THRB: variants seen among roughly 807,000 people sequenced by gnomAD.
The protein encoded by THRB is thyroid hormone receptor beta, also known as nuclear receptor subfamily 1 group A member 2.
A neutral mutation model predicts 47.8 loss-of-function variants in THRB; 12 were observed. That is an observed-to-expected ratio of 0.25 (90% CI 0.16 to 0.41). The LOEUF (loss-of-function observed/expected upper bound fraction) is 0.41. THRB is among the 10% of genes least tolerant of loss of function. The pLI, the probability that THRB is intolerant of heterozygous loss-of-function variation, is 1.00. For synonymous variants in THRB, 218 were observed against 212.2 expected, an observed-to-expected ratio of 1.03 and a Z score of -0.24; for missense variants, 348 against 589.2, an observed-to-expected ratio of 0.59 and a Z score of 4.24.
At chr3:24,417,182 T>A (rs932922554) in intron 1 of THRB, among the ~76,000 whole-genome samples, 9 of 151,690 alleles carry the variant, frequency 5.9e-5, no homozygotes, top group Non-Finnish European at 1.2e-4. Flanking sequence ...GATGCCCCCC[T>A]ATTAGTAAAG....
chr3:24,424,597 A>T (rs1288880167), intron 1 of THRB, among the ~76,000 whole-genome samples: 1 of 151,966 alleles, frequency 6.6e-6, no homozygotes, highest in Admixed American at 6.6e-5. Context: ...GTGCTACATG[A>T]TAAGAATTAT....
intron 3 of THRB, among the ~76,000 whole-genome samples, chr3:24,289,682 G>T (rs1388708857): frequency 6.6e-6 from 1 of 152,186 alleles, no homozygotes; most frequent in Admixed American, 6.5e-5. Context: ...TCTGTTTCTT[G>T]GTTAGTGGAT....
At chr3:24,195,000 G>C (rs1484879908) in intron 4 of THRB, among the ~76,000 whole-genome samples, 2 of 152,194 alleles carry the variant, frequency 1.3e-5, no homozygotes, top group African/African-American at 4.8e-5. Context: ...TGCATTAGGG[G>C]TGTGTGTATA....
intron 3 of THRB, among the ~76,000 whole-genome samples, chr3:24,245,250 C>T (rs1045430178): frequency 9.8e-6 from 1 of 101,550 alleles, no homozygotes; most frequent in Admixed American, 8.9e-5. Context: ...CCCTTTGTGA[C>T]CCAGCTGGCA....
At chr3:24,421,375 C>T (rs2069245773) in intron 1 of THRB, among the ~76,000 whole-genome samples, 1 of 151,334 alleles carries the variant, frequency 6.6e-6, no homozygotes, top group Non-Finnish European at 1.5e-5. Flanking sequence ...AAAAAAAAAC[C>T]TCTTTAAGGC....
intron 1 of THRB, among the ~76,000 whole-genome samples, chr3:24,379,952 C>G (rs1376429346): frequency 6.6e-6 from 1 of 151,590 alleles, no homozygotes; most frequent in African/African-American, 2.4e-5. Flanking sequence ...CATGTAGTAA[C>G]TTTACACATT....
chr3:24,184,200 T>A (rs79099271), intron 5 of THRB, among the ~76,000 whole-genome samples: 7,190 of 152,336 alleles, frequency 0.047, 281 homozygotes, highest in African/African-American at 0.099. Flanking sequence ...ATGCTTTGGA[T>A]GTACCACAAT....
In THRB at chr3:24,157,713, G is replaced by A. The variant is rs140312813; in HGVS notation, c.284-5223C>T. On this transcript the variant is annotated intron_variant, in intron 5 of 10. Transcript: ENST00000646209. ...ACCTGGCTAATTTTGAAGTTGTTTC[G>A]TAGAGATGGGGTCTTGCTATGTTTC... Among the ~76,000 whole-genome samples the A allele has an allele frequency of 8.5e-5, 13 of 152,056 alleles. No homozygotes were observed. In the East Asian group the frequency reaches 9.7e-4, roughly 11 times the overall value.
chr3:24,337,886 A>C (rs1320091281), intron 1 of THRB, among the ~76,000 whole-genome samples: 1 of 152,206 alleles, frequency 6.6e-6, no homozygotes, highest in Non-Finnish European at 1.5e-5. Context: ...TGTAAGCATG[A>C]AGCCATGGAG....
At chr3:24,238,297 T>G (rs1469830731) in intron 3 of THRB, among the ~76,000 whole-genome samples, 953 of 47,094 alleles carry the variant, frequency 0.02, no homozygotes, top group Non-Finnish European at 0.022. Context: ...GGGGGGTGTG[T>G]GGGGTGTGTG....
chr3:24,181,887 C>G (rs1190008226), intron 5 of THRB, among the ~76,000 whole-genome samples: 20 of 152,124 alleles, frequency 1.3e-4, no homozygotes, highest in Admixed American at 1.3e-3. Context: ...AGATATTCAG[C>G]CAGTAAGTTT....
At chr3:24,444,560 A>C (rs547574592) in intron 1 of THRB, among the ~76,000 whole-genome samples, 1 of 152,232 alleles carries the variant, frequency 6.6e-6, no homozygotes, top group Non-Finnish European at 1.5e-5. Context: ...AACTTTTCCA[A>C]AATAATTCAT....
chr3:24,371,795 T>G (rs1404945499), intron 1 of THRB, among the ~76,000 whole-genome samples: 1 of 152,172 alleles, frequency 6.6e-6, no homozygotes, highest in Non-Finnish European at 1.5e-5. Context: ...GGCATTTTCT[T>G]ATATTAGTCT....
chr3:24,491,082 A>T (rs551720196), intron 1 of THRB, among the ~76,000 whole-genome samples: 11 of 152,310 alleles, frequency 7.2e-5, no homozygotes, highest in African/African-American at 2.6e-4. Context: ...TCATCCTTAC[A>T]AGTTTAATGC....
At chr3:24,257,869 C>A (rs2051467904) in intron 3 of THRB, among the ~76,000 whole-genome samples, 1 of 152,234 alleles carries the variant, frequency 6.6e-6, no homozygotes, top group Non-Finnish European at 1.5e-5. Flanking sequence ...TATTCCACAG[C>A]CATTCATTCA....
chr3:24,251,635 A>G (rs928187619), intron 3 of THRB, among the ~76,000 whole-genome samples: 2 of 152,090 alleles, frequency 1.3e-5, no homozygotes, highest in Non-Finnish European at 2.9e-5. Flanking sequence ...GAAAAGACAA[A>G]TTTGCATAGA....
chr3:24,194,815 C>A (rs991128892), intron 4 of THRB, among the ~76,000 whole-genome samples: 1 of 152,184 alleles, frequency 6.6e-6, no homozygotes, highest in Non-Finnish European at 1.5e-5. Context: ...TTTCAGGACA[C>A]AAGAGCGAGC....
intron 3 of THRB, among the ~76,000 whole-genome samples, chr3:24,252,615 A>T (rs1185332267): frequency 6.6e-6 from 1 of 151,618 alleles, no homozygotes; most frequent in African/African-American, 2.4e-5. Context: ...TGTAACAACC[A>T]TATCTCGAAT....
At chr3:24,219,399 A>G (rs2046939958) in intron 4 of THRB, among the ~76,000 whole-genome samples, 1 of 152,248 alleles carries the variant, frequency 6.6e-6, no homozygotes, top group Admixed American at 6.5e-5. Context: ...ACTTCAATGA[A>G]AAATGCTGGC....
Sources: allele counts gnomAD v4.1 joint callset (sites outside exome capture counted in the v4.1 genomes callset), GRCh38; gene constraint gnomAD v4.1.1; transcripts MANE v1.5; gene names NCBI Gene and HGNC (gene_info 2026-07-23, HGNC 2026-07-21).